Variants in ZNF665 observed in about 807,000 individuals in gnomAD.
ZNF665 encodes the protein zinc finger protein 665.
Under a neutral mutation model 7.9 loss-of-function variants are expected in ZNF665, and 6 were observed. The observed-to-expected ratio is 0.76, with a 90% CI of 0.42 to 1.50. ZNF665 has a LOEUF of 1.50. Ranked by LOEUF, ZNF665 falls within the 40% of genes most tolerant of loss-of-function variation. The probability of loss-of-function intolerance (pLI) is 0.01; values close to 1 mark genes in which losing one functional copy is unlikely to be tolerated. For synonymous variants in ZNF665, 242 were observed against 274.5 expected (o/e 0.88, Z 1.17); for missense variants, 819 against 806.7 (o/e 1.02, Z -0.18).
chr19:53,174,262 T>C (rs1211029749), intron 3 of ZNF665, among the ~76,000 whole-genome samples: 2 of 152,080 alleles, frequency 1.3e-5, no homozygotes, highest in Non-Finnish European at 2.9e-5. Context: ...TAAGAGTTCA[T>C]AGAAAGCCAG....
At chr19:53,182,541 C>A in intron 2 of ZNF665, 1 of 667,956 alleles carries the variant, frequency 1.5e-6, no homozygotes, top group South Asian at 1.6e-5. Flanking sequence ...ACCAGCTTCT[C>A]TTATCACAGT....
At chr19:53,170,632 TAC>T (rs959858563) in intron 3 of ZNF665, among the ~76,000 whole-genome samples, 1 of 152,256 alleles carries the variant, frequency 6.6e-6, no homozygotes, top group African/African-American at 2.4e-5. Context: ...TTTTAAAGGC[TAC>T]ACAGTGTTCC....
chr19:53,170,744 G>A (rs1327149848), intron 3 of ZNF665, among the ~76,000 whole-genome samples: 2 of 152,094 alleles, frequency 1.3e-5, no homozygotes, highest in African/African-American at 2.4e-5. Flanking sequence ...ATGCAGATAC[G>A]TCATAGATAT....
intron 2 of ZNF665, chr19:53,179,651 T>C (rs2146870382): frequency 6.6e-6 from 1 of 152,196 alleles, no homozygotes; most frequent in South Asian, 2.1e-4. Context: ...GTATTTATAA[T>C]CAACCAGTAA....
intron 2 of ZNF665, among the ~76,000 whole-genome samples, chr19:53,177,748 A>C (rs2090709441): frequency 6.6e-6 from 1 of 152,204 alleles, no homozygotes; most frequent in Non-Finnish European, 1.5e-5. Flanking sequence ...GATGAGAGCA[A>C]TAGCAATGAC....
intron 3 of ZNF665, among the ~76,000 whole-genome samples, chr19:53,174,581 G>A (rs1461407475): frequency 1.3e-5 from 2 of 152,038 alleles, no homozygotes; most frequent in Non-Finnish European, 2.9e-5. Flanking sequence ...CCACATTCCA[G>A]GGCTCCTTCC....
At chr19:53,182,651 G>A (rs1399046174) in intron 2 of ZNF665, 5 of 877,940 alleles carry the variant, frequency 5.7e-6, no homozygotes, top group African/African-American at 3.3e-5. Context: ...CATCCATGTC[G>A]GGGTGTGAGC....
chr19:53,175,233 TACAA>T (rs1441486327), intron 3 of ZNF665, among the ~76,000 whole-genome samples: 1 of 152,106 alleles, frequency 6.6e-6, no homozygotes, highest in African/African-American at 2.4e-5. Context: ...GTATTATGCA[TACAA>T]AACTCTAAAA....
Position 53,165,722 on chromosome 19 carries a change from A to G in ZNF665, c.768T>C (p.His256=). 6.2e-7 allele frequency: 1 copy of G among 1,614,190 alleles called. No homozygotes were observed. Among genetic ancestry groups the G allele is most frequent in the Non-Finnish European group, 8.5e-7 (1 of 1,180,030 alleles). Residue 256 remains histidine, a synonymous_variant, in exon 4 of 4, where the codon CAT becomes CAC. Coordinates refer to ENST00000396424, the MANE Select transcript of ZNF665 (RefSeq NM_024733.5). ...TACACTTGTAAGGTTTCTCTCCAGTATGAATTCTCTGATGACCTGCAAGGT... is the reference window on the plus strand; with the variant it reads ...TACACTTGTAAGGTTTCTCTCCAGTGTGAATTCTCTGATGACCTGCAAGGT... ...PSNLAGHQRI[H]TGEKPYKCNE...
rs1227658612 is a variant in ZNF665 at position 53,163,612 on chromosome 19, A to C, written c.*841T>G. 6.6e-6 allele frequency: 1 copy of C among 152,230 alleles called. No individual in the cohort carries two copies. The highest frequency in any genetic ancestry group is 2.4e-5 in the African/African-American group (1 of 41,460). 9.4% of individuals were successfully genotyped at this position (152,230 alleles called of 1,614,324 possible). A position where few individuals can be genotyped will look rare whatever the true frequency, so the allele number is the denominator to read the frequency against. On this transcript the variant is annotated 3_prime_UTR_variant, in exon 4 of 4. Coordinates refer to ENST00000396424, the MANE Select transcript of ZNF665 (RefSeq NM_024733.5). ...GTATAATCATGTATAAAATCAGCACATTGCAAAGTTCTGGTTGGAAGTTAT... is the reference window on the plus strand; with the variant it reads ...GTATAATCATGTATAAAATCAGCACCTTGCAAAGTTCTGGTTGGAAGTTAT...
At position 53,163,530 on chromosome 19, in the gene ZNF665, T is replaced by A. The variant is rs987542375; in HGVS notation, c.*923A>T. ...TTGGAGAGAAATAATCCTCACCTAA[T>A]GAAGTGAGTGAGCCCTTCCATCCTT... is the stretch of plus-strand genomic sequence containing the variant. On this transcript the variant is annotated 3_prime_UTR_variant, in exon 4 of 4. Transcript: ENST00000396424. 6.6e-6 allele frequency: 1 copy of A among 152,242 alleles called. No individual in the cohort carries two copies. The highest frequency in any genetic ancestry group is 2.1e-4 in the South Asian group (1 of 4,836). 9.4% of individuals were successfully genotyped at this position (152,242 alleles called of 1,614,324 possible). A position where few individuals can be genotyped will look rare whatever the true frequency, so the allele number is the denominator to read the frequency against.
At chr19:53,173,372 C>CTTTTTTTTTTTTTT (rs34425717) in intron 3 of ZNF665, among the ~76,000 whole-genome samples, 3 of 78,880 alleles carry the variant, frequency 3.8e-5, no homozygotes, top group African/African-American at 9.7e-5. Context: ...TTTTTTCACT[C>CTTTTTTTTTTTTTT]TTTTTTTTTT....
chr19:53,185,117 G>A lies in ZNF665; in HGVS notation c.-45-2174C>T, dbSNP rs571967560. Among the ~76,000 whole-genome samples the A allele has an allele frequency of 6.6e-5, 10 of 151,940 alleles. No homozygotes were observed. The East Asian group carries it at 1.2e-3, about 18-fold the overall frequency. On this transcript the variant is annotated intron_variant, in intron 1 of 3. Coordinates refer to ENST00000396424, the MANE Select transcript of ZNF665 (RefSeq NM_024733.5). ...GACGGTTAGGCCTCCGGATAACTGC[G>A]GGCGAGCCTGACTGATGTCAGGCCC...
chr19:53,165,742 C>T lies in ZNF665; in HGVS notation c.748G>A (p.Ala250Thr), dbSNP rs768264357. The T allele has an allele frequency of 3.1e-6, 5 of 1,613,984 alleles. No homozygotes were observed. Among genetic ancestry groups the T allele is most frequent in the Non-Finnish European group, 3.4e-6 (4 of 1,180,004 alleles). Residue 250 changes from alanine (A) to threonine (T), a missense_variant, in exon 4 of 4, where the codon GCA becomes ACA. Transcript: ENST00000396424. ...CCAGTATGAATTCTCTGATGACCTGCAAGGTTTGAAGGTTGACTGAAGACC... is the reference window on the plus strand; with the variant it reads ...CCAGTATGAATTCTCTGATGACCTGTAAGGTTTGAAGGTTGACTGAAGACC... ...GKVFSQPSNL[A>T]GHQRIHTGEK...
chr19:53,190,628 A>G (rs1035873857), intron 1 of ZNF665, among the ~76,000 whole-genome samples: 1 of 152,166 alleles, frequency 6.6e-6, no homozygotes, highest in Non-Finnish European at 1.5e-5. Context: ...TATGCTTCGT[A>G]GTATCCTTTA....
At chr19:53,170,668 T>C (rs2146848222) in intron 3 of ZNF665, among the ~76,000 whole-genome samples, 1 of 152,370 alleles carries the variant, frequency 6.6e-6, no homozygotes, top group African/African-American at 2.4e-5. Flanking sequence ...TCCATTCATC[T>C]GTTAATGAAC....
rs752954470 is a variant in ZNF665, at chr19:53,164,686, C to A, written c.1804G>T (p.Glu602Ter). The A allele has an allele frequency of 1.2e-6, 2 of 1,612,662 alleles. No homozygotes were observed. Among genetic ancestry groups the A allele is most frequent in the African/African-American group, 2.7e-5 (2 of 74,896 alleles). Residue 602 changes from glutamate to a stop codon, truncating the protein, a stop_gained, in exon 4 of 4, where the codon GAA becomes TAA. Coordinates refer to ENST00000396424, the MANE Select transcript of ZNF665 (RefSeq NM_024733.5). LOFTEE classifies it low-confidence loss of function (END_TRUNC). ...TTTTGAGTGAAGACCTTGCCACATT[C>A]ATTACATTTGTAAGGTTTTTCTCCA... is the stretch of plus-strand genomic sequence containing the variant. ...HTGEKPYKCNECGKVFTQNSH... is the reference protein window; with the variant it reads ...HTGEKPYKCN
chr19:53,185,092 G>A (rs2090767605), intron 1 of ZNF665, among the ~76,000 whole-genome samples: 1 of 152,052 alleles, frequency 6.6e-6, no homozygotes, highest in Admixed American at 6.6e-5. Context: ...ATCACAGGGA[G>A]ACGGTTAGGC....
chr19:53,175,488 G>A lies in ZNF665; in HGVS notation c.99C>T (p.Tyr33=). ...TCLDPAQKTL[Y]RDVMLENYRN... ...TATAATTCTCCAACATGACGTCCCT[G>A]TACAAAGTCTTCTGAGCAGGGTCCA... The change falls in exon 3 of 4, where the codon TAC becomes TAT. Residue 33 remains tyrosine, a synonymous_variant. Transcript: ENST00000396424. The A allele has an allele frequency of 6.2e-7, 1 of 1,612,944 alleles. No individual in the cohort carries two copies.
Sources: allele counts gnomAD v4.1 joint callset (sites outside exome capture counted in the v4.1 genomes callset), GRCh38; gene constraint gnomAD v4.1.1; transcripts MANE v1.5; gene names NCBI Gene and HGNC (gene_info 2026-07-23, HGNC 2026-07-21).